The following EPHA4 variants were observed in gnomAD, a reference collection of about 807,000 sequenced individuals.
The protein encoded by EPHA4 is ephrin type-A receptor 4.
A neutral mutation model predicts 108.3 loss-of-function variants in EPHA4; 19 were observed. The ratio of observed to expected loss-of-function variants is 0.18; its 90% CI spans 0.12 to 0.26. The LOEUF is 0.26. Among genes scored for constraint, EPHA4 ranks in the 10% least tolerant of loss-of-function variants. The pLI, the probability that EPHA4 is intolerant of heterozygous loss-of-function variation, is 1.00. For missense variants in EPHA4, 917 were observed against 1,254.0 expected (o/e 0.73, Z 4.06); for synonymous variants, 449 against 455.5 (o/e 0.99, Z 0.18).
At chr2:221,517,826 C>T (rs1693034876) in intron 3 of EPHA4, among the ~76,000 whole-genome samples, 2 of 152,192 alleles carry the variant, frequency 1.3e-5, no homozygotes, top group Admixed American at 1.3e-4. Context: ...GGCTTGGCCA[C>T]CAGGCCCTGG....
chr2:221,513,073 A>C (rs1299922548), intron 3 of EPHA4, among the ~76,000 whole-genome samples: 1 of 152,200 alleles, frequency 6.6e-6, no homozygotes, highest in African/African-American at 2.4e-5. Flanking sequence ...GAGTTTAACC[A>C]GGAAGCTGGC....
At chr2:221,463,825 G>A (rs906965466) in intron 5 of EPHA4, among the ~76,000 whole-genome samples, 3 of 152,200 alleles carry the variant, frequency 2.0e-5, no homozygotes, top group Admixed American at 6.5e-5. Context: ...AAGAAAGAGA[G>A]GAAAGCTTCA....
chr2:221,570,622 G>T (rs941604143), intron 1 of EPHA4, among the ~76,000 whole-genome samples: 2 of 152,056 alleles, frequency 1.3e-5, no homozygotes, highest in Non-Finnish European at 2.9e-5. Flanking sequence ...GCCTCCGTCT[G>T]GAGGGCTCCG....
chr2:221,514,863 G>T (rs1692943072), intron 3 of EPHA4, among the ~76,000 whole-genome samples: 1 of 152,134 alleles, frequency 6.6e-6, no homozygotes, highest in Admixed American at 6.5e-5. Flanking sequence ...TGTAAAACAT[G>T]GATGAGCTGG....
At chr2:221,557,945 T>C (rs1694352428) in intron 3 of EPHA4, among the ~76,000 whole-genome samples, 1 of 152,198 alleles carries the variant, frequency 6.6e-6, no homozygotes, top group African/African-American at 2.4e-5. Context: ...AACAAAAATA[T>C]ACATGTATGA....
chr2:221,511,244 C>T (rs773477331), intron 3 of EPHA4, among the ~76,000 whole-genome samples: 8 of 152,272 alleles, frequency 5.3e-5, no homozygotes, highest in East Asian at 1.9e-4. Flanking sequence ...GGCCTCAGAA[C>T]GACTCTGTAC....
chr2:221,446,316 A>G, intron 8 of EPHA4, 135 bp from the exon 9 acceptor site: 1 of 411,154 alleles, frequency 2.4e-6, no homozygotes. Context: ...GAAAACTGAG[A>G]CTTACAAGAG....
intron 3 of EPHA4, among the ~76,000 whole-genome samples, chr2:221,550,324 C>T (rs561046895): frequency 1.3e-5 from 2 of 151,902 alleles, no homozygotes; most frequent in Non-Finnish European, 2.9e-5. Flanking sequence ...AGATAGTTCT[C>T]ATGCACATTA....
chr2:221,497,932 T>C (rs1404238847), intron 4 of EPHA4, among the ~76,000 whole-genome samples: 2 of 152,138 alleles, frequency 1.3e-5, no homozygotes, highest in Non-Finnish European at 2.9e-5. Flanking sequence ...TTTTTAGACT[T>C]TTTGGTCCAT....
chr2:221,568,584 A>G, intron 2 of EPHA4, 134 bp downstream of exon 2: 2 of 584,314 alleles, frequency 3.4e-6, no homozygotes, highest in Non-Finnish European at 5.9e-6. Context: ...AACAAAGCGT[A>G]ATTCACTTCA....
Position 221,508,332 on chromosome 2 carries a change from A to G in EPHA4, c.824-7160T>C, listed in dbSNP as rs1164628935. Among the ~76,000 whole-genome samples the G allele has an allele frequency of 2.0e-5, 3 of 152,258 alleles. No individual in the cohort carries two copies. In the East Asian group the frequency reaches 5.8e-4, roughly 29 times the overall value. Reference sequence around the variant, plus strand: ...GGTGGCTCACGCCTGTAATCCCAGCACTTTGGGAGGTCAAGGCAGACTGAT... The same window carrying G: ...GGTGGCTCACGCCTGTAATCCCAGCGCTTTGGGAGGTCAAGGCAGACTGAT... On this transcript the variant is annotated intron_variant, in intron 3 of 17. Coordinates refer to ENST00000281821, the MANE Select transcript of EPHA4 (RefSeq NM_004438.5).
intron 14 of EPHA4, among the ~76,000 whole-genome samples, 171 bp downstream of exon 14, chr2:221,433,971 G>GGTTGT: frequency 6.6e-6 from 1 of 152,038 alleles, no homozygotes; most frequent in South Asian, 2.1e-4. Context: ...TCTTGTCCTT[G>GGTTGT]AAATCAATAG....
intron 2 of EPHA4, among the ~76,000 whole-genome samples, chr2:221,566,866 A>AAGG (rs1237319755): frequency 1.8e-4 from 8 of 45,528 alleles, no homozygotes; most frequent in African/African-American, 7.7e-4. Context: ...GAAGAAGAAG[A>AAGG]AGAAGAAGAA....
Position 221,511,283 on chromosome 2 carries a change from T to C in EPHA4, c.824-10111A>G, listed in dbSNP as rs112512827. Among the ~76,000 whole-genome samples the C allele has an allele frequency of 5.5e-3, 836 of 152,340 alleles. 6 individuals carry two copies. The highest frequency in any genetic ancestry group is 0.019 in the African/African-American group (785 of 41,586). On this transcript the variant is annotated intron_variant, in intron 3 of 17. Transcript: ENST00000281821. ...TATATTTGAGTCCTTGTGGGAGAAC[T>C]GTAACCTAACTTAGTAGGTAGACAA...
Position 221,479,601 on chromosome 2 carries a change from T to C in EPHA4, c.1318+2751A>G, listed in dbSNP as rs76816090. On this transcript the variant is annotated intron_variant, in intron 5 of 17. Transcript: ENST00000281821. ...GAACATAATTGTGTGTATGTAAATATGCTTAGGGGAGCTTCGATAGAGTTT... is the reference window on the plus strand; with the variant it reads ...GAACATAATTGTGTGTATGTAAATACGCTTAGGGGAGCTTCGATAGAGTTT... 3.5e-3 allele frequency among the ~76,000 whole-genome samples: 528 copies of C among 152,364 alleles called. 2 individuals carry two copies. The highest frequency in any genetic ancestry group is 0.012 in the African/African-American group (507 of 41,592).
At chr2:221,560,714 AACTAAAT>A (rs1157462897) in intron 3 of EPHA4, among the ~76,000 whole-genome samples, 6 of 152,192 alleles carry the variant, frequency 3.9e-5, no homozygotes, top group African/African-American at 1.4e-4. Flanking sequence ...CAAGTCTGTA[AACTAAAT>A]ATAACTATTA....
chr2:221,535,340 A>G (rs1290512907), intron 3 of EPHA4, among the ~76,000 whole-genome samples: 1 of 152,160 alleles, frequency 6.6e-6, no homozygotes, highest in African/African-American at 2.4e-5. Flanking sequence ...TAAGGTATAA[A>G]CTCATTTTTG....
chr2:221,470,360 A>G (rs1255294079), intron 5 of EPHA4, among the ~76,000 whole-genome samples: 3 of 151,820 alleles, frequency 2.0e-5, no homozygotes. Context: ...AGAGAGAGAG[A>G]GAAACAGGAA....
chr2:221,422,814 C>A (rs1689794916), intron 17 of EPHA4, among the ~76,000 whole-genome samples: 1 of 152,204 alleles, frequency 6.6e-6, no homozygotes, highest in African/African-American at 2.4e-5. Context: ...CCATCCAGTT[C>A]TTTTCATTGC....
Sources: allele counts gnomAD v4.1 joint callset (sites outside exome capture counted in the v4.1 genomes callset), GRCh38; gene constraint gnomAD v4.1.1; transcripts MANE v1.5; gene names NCBI Gene and HGNC (gene_info 2026-07-23, HGNC 2026-07-21).